The following PMFBP1 variants were observed in gnomAD, a reference collection of about 807,000 sequenced individuals.
The protein encoded by PMFBP1 is polyamine modulated factor 1 binding protein 1.
PMFBP1 carries 131 observed loss-of-function variants against 137.8 expected under a neutral mutation model. The ratio of observed to expected loss-of-function variants is 0.95; its 90% CI spans 0.82 to 1.10. The LOEUF (loss-of-function observed/expected upper bound fraction) is 1.10. PMFBP1 is among the 50% of genes least tolerant of loss of function. The probability of loss-of-function intolerance (pLI) is 0.00; values close to 1 mark genes in which losing one functional copy is unlikely to be tolerated. For missense variants in PMFBP1, 1,199 were observed against 1,175.4 expected (o/e 1.02, Z -0.29); for synonymous variants, 490 against 450.4 (o/e 1.09, Z -1.11).
chr16:72,171,309 G>A (rs2144533437), intron 1 of PMFBP1, 41 bp from the exon 2 acceptor site: 1 of 1,341,016 alleles, frequency 7.5e-7, no homozygotes, highest in Non-Finnish European at 1.1e-6. Context: ...AAGTATAAAT[G>A]AGCCTCTGCC....
rs374468719 is a variant in PMFBP1 at position 72,161,965 on chromosome 16, T to C, written c.165+2799A>G. On this transcript the variant is annotated intron_variant, in intron 3 of 20. Transcript: ENST00000237353. ...TTATATAGTTTTATGCTAAAAAGTG[T>C]CCTCTGTACACTTCAAAGATGAGTT... Among the ~76,000 whole-genome samples, 32 of 152,324 alleles carry C rather than the reference T, an allele frequency of 2.1e-4. 2 individuals are homozygous for C. The highest frequency in any genetic ancestry group is 1.0e-3 in the Admixed American group (16 of 15,300).
At chr16:72,214,616 C>A in the PMFBP1 span, among the ~76,000 whole-genome samples, 1 of 152,170 alleles carries the variant, frequency 6.6e-6, no homozygotes, top group Non-Finnish European at 1.5e-5. Flanking sequence ...ATGTTTGAAT[C>A]CTGTAGAGTT....
At chr16:72,153,412 C>CA (rs2042932623) in intron 4 of PMFBP1, among the ~76,000 whole-genome samples, 1 of 152,056 alleles carries the variant, frequency 6.6e-6, no homozygotes, top group African/African-American at 2.4e-5. Flanking sequence ...TCCGTCCTTC[C>CA]AATAGAACCT....
At chr16:72,240,735 G>A in the PMFBP1 span, among the ~76,000 whole-genome samples, 2 of 152,242 alleles carry the variant, frequency 1.3e-5, no homozygotes, top group Non-Finnish European at 2.9e-5. Flanking sequence ...CCTAGGACAA[G>A]TCACTTCTCT....
At chr16:72,163,114 C>T (rs1003417025) in intron 3 of PMFBP1, among the ~76,000 whole-genome samples, 5 of 152,230 alleles carry the variant, frequency 3.3e-5, no homozygotes, top group Non-Finnish European at 7.3e-5. Context: ...CAGTGAAGAA[C>T]ACAGTGGCGG....
the PMFBP1 span, among the ~76,000 whole-genome samples, chr16:72,243,260 T>G: frequency 2.0e-5 from 3 of 152,190 alleles, no homozygotes; most frequent in Non-Finnish European, 2.9e-5. Flanking sequence ...AATAGTGATG[T>G]TATGTGCTGT....
At chr16:72,210,628 T>C in the PMFBP1 span, among the ~76,000 whole-genome samples, 2 of 152,194 alleles carry the variant, frequency 1.3e-5, no homozygotes, top group Non-Finnish European at 2.9e-5. Flanking sequence ...GCTTTGCTAA[T>C]TGAAATTAAA....
At chr16:72,152,145 T>C (rs1030788051) in intron 4 of PMFBP1, among the ~76,000 whole-genome samples, 2 of 152,196 alleles carry the variant, frequency 1.3e-5, no homozygotes, top group African/African-American at 4.8e-5. Flanking sequence ...ATTTATATCC[T>C]TGTCTTAGGG....
Position 72,130,317 on chromosome 16 carries a change from G to A in PMFBP1, c.1678C>T (p.Leu560=). Residue 560 remains leucine (L), a synonymous_variant, in exon 12 of 21, where the codon CTG becomes TTG. Transcript: ENST00000237353. ...EELSLELSEA[L]RKLENSDKEK... Reference sequence around the variant, plus strand: ...TTGTCTGAATTTTCAAGCTTCCTCAGGGCTTCAGAGAGTTCTAATGACAGC... The same window carrying A: ...TTGTCTGAATTTTCAAGCTTCCTCAAGGCTTCAGAGAGTTCTAATGACAGC... The A allele has an allele frequency of 6.2e-7, 1 of 1,614,168 alleles. No individual in the cohort carries two copies. The highest frequency in any genetic ancestry group is 8.5e-7 in the Non-Finnish European group (1 of 1,180,042).
At chr16:72,130,778 C>T (rs2042538842) in intron 10 of PMFBP1, 56 bp from the exon 11 acceptor site, 2 of 1,488,032 alleles carry the variant, frequency 1.3e-6, no homozygotes, top group Admixed American at 4.4e-5. Flanking sequence ...AGATCACACT[C>T]TTATCAGCCT....
chr16:72,228,200 C>T, the PMFBP1 span, among the ~76,000 whole-genome samples: 1 of 152,128 alleles, frequency 6.6e-6, no homozygotes, highest in Admixed American at 6.5e-5. Context: ...CCGTCGTTGA[C>T]ATAGGCCCCT....
At chr16:72,242,586 G>A in the PMFBP1 span, among the ~76,000 whole-genome samples, 1 of 152,108 alleles carries the variant, frequency 6.6e-6, no homozygotes, top group Non-Finnish European at 1.5e-5. Context: ...TTCAGGGTTT[G>A]GTCTTGATTA....
chr16:72,226,263 G>A, the PMFBP1 span, among the ~76,000 whole-genome samples: 1 of 152,098 alleles, frequency 6.6e-6, no homozygotes, highest in Non-Finnish European at 1.5e-5. Context: ...TACCTCATAG[G>A]TATTATCTAG....
At chr16:72,182,869 C>T in the PMFBP1 span, among the ~76,000 whole-genome samples, 10 of 152,162 alleles carry the variant, frequency 6.6e-5, no homozygotes, top group South Asian at 4.1e-4. Flanking sequence ...CTCTCCCCTC[C>T]GCTCTGTGTC....
At chr16:72,229,866 A>C in the PMFBP1 span, among the ~76,000 whole-genome samples, 25 of 152,140 alleles carry the variant, frequency 1.6e-4, no homozygotes, top group African/African-American at 4.3e-4. Context: ...CTGATTTGAG[A>C]TAAACAGAGC....
At chr16:72,197,864 A>G in the PMFBP1 span, among the ~76,000 whole-genome samples, 3 of 152,194 alleles carry the variant, frequency 2.0e-5, no homozygotes, top group Non-Finnish European at 4.4e-5. Flanking sequence ...CCAGTGCAAC[A>G]TCACATCTGC....
In PMFBP1 at chr16:72,139,969, T is replaced by C. The variant is rs1161702458; in HGVS notation, c.807+443A>G. 2.0e-5 allele frequency among the ~76,000 whole-genome samples: 3 copies of C among 152,344 alleles called. No homozygotes were observed. The East Asian group carries it at 5.8e-4, about 29-fold the overall frequency. Reference sequence around the variant, plus strand: ...GTATTGAAAATTCAGTTTGTACTTATATATTAGTATTATCATTAGAGATAA... The same window carrying C: ...GTATTGAAAATTCAGTTTGTACTTACATATTAGTATTATCATTAGAGATAA... On this transcript the variant is annotated intron_variant, in intron 6 of 20. Coordinates refer to ENST00000237353, the MANE Select transcript of PMFBP1 (RefSeq NM_031293.3).
At chr16:72,181,132 A>G (rs374335336), upstream of PMFBP1, among the ~76,000 whole-genome samples, 24 of 151,792 alleles carry the variant, frequency 1.6e-4, no homozygotes, top group African/African-American at 5.1e-4. Flanking sequence ...CCAGCTACTC[A>G]GGAGGCTGAG....
At chr16:72,208,007 C>G in the PMFBP1 span, among the ~76,000 whole-genome samples, 1 of 152,190 alleles carries the variant, frequency 6.6e-6, no homozygotes, top group Admixed American at 6.5e-5. Flanking sequence ...GCTCAGATAG[C>G]CAGGCAGGAG....
Sources: allele counts gnomAD v4.1 joint callset (sites outside exome capture counted in the v4.1 genomes callset), GRCh38; gene constraint gnomAD v4.1.1; transcripts MANE v1.5; gene names NCBI Gene and HGNC (gene_info 2026-07-23, HGNC 2026-07-21).